Variants in SYNDIG1L observed in about 807,000 individuals in gnomAD.
SYNDIG1L encodes the protein synapse differentiation-inducing gene protein 1-like.
SYNDIG1L carries 13 observed loss-of-function variants against 20.1 expected under a neutral mutation model. The observed-to-expected ratio is 0.65, with a 90% CI of 0.42 to 1.03. The LOEUF is 1.03. Among genes scored for constraint, SYNDIG1L ranks in the 50% least tolerant of loss-of-function variants. The pLI is 0.00. For synonymous variants in SYNDIG1L, 128 were observed against 129.3 expected (o/e 0.99, Z 0.07); for missense variants, 294 against 305.1 (o/e 0.96, Z 0.27).
the SYNDIG1L span, among the ~76,000 whole-genome samples, chr14:74,467,959 G>C: frequency 5.9e-5 from 9 of 152,046 alleles, no homozygotes; most frequent in Non-Finnish European, 1.2e-4. Context: ...GGTCCGGGGG[G>C]ATCTAGTGGC....
intron 1 of SYNDIG1L, among the ~76,000 whole-genome samples, chr14:74,418,558 A>G (rs1566584282): frequency 6.6e-6 from 1 of 152,310 alleles, no homozygotes; most frequent in East Asian, 1.9e-4. Flanking sequence ...TAGGGGGTCT[A>G]TGCCCTTTCT....
rs184676402 is a variant in SYNDIG1L at position 74,417,675 on chromosome 14, C to T, written c.-57-7874G>A. 1.4e-4 allele frequency among the ~76,000 whole-genome samples: 22 copies of T among 152,284 alleles called. No individual in the cohort carries two copies. The East Asian group carries it at 3.3e-3, about 23-fold the overall frequency. ...GGATTTGACCCAGGTTTGATTTAGT[C>T]TAAAGCCTGGGCTCTGACTTCCCAC... On this transcript the variant is annotated intron_variant, in intron 1 of 3. Transcript: ENST00000331628.
At chr14:74,434,451 C>G in the SYNDIG1L span, among the ~76,000 whole-genome samples, 1 of 151,904 alleles carries the variant, frequency 6.6e-6, no homozygotes, top group Non-Finnish European at 1.5e-5. Flanking sequence ...CCTAGTGATC[C>G]TCACAGAAAA....
the SYNDIG1L span, among the ~76,000 whole-genome samples, chr14:74,471,596 T>TCACACACACA: frequency 1.3e-5 from 2 of 149,712 alleles, no homozygotes; most frequent in African/African-American, 4.9e-5. Flanking sequence ...AGACCCTATC[T>TCACACACACA]CACACACACA....
intron 2 of SYNDIG1L, 114 bp from the exon 3 acceptor site, chr14:74,408,103 A>G (rs1460639830): frequency 7.6e-7 from 1 of 1,309,454 alleles, no homozygotes; most frequent in East Asian, 2.6e-5. Flanking sequence ...AGCAACAAGC[A>G]GTCTCTTCTG....
the SYNDIG1L span, among the ~76,000 whole-genome samples, chr14:74,470,669 G>A: frequency 6.6e-6 from 1 of 152,200 alleles, no homozygotes; most frequent in Non-Finnish European, 1.5e-5. Flanking sequence ...TGAGAACACT[G>A]TCTCCTCCAT....
At chr14:74,471,526 A>T in the SYNDIG1L span, among the ~76,000 whole-genome samples, 9 of 152,032 alleles carry the variant, frequency 5.9e-5, no homozygotes, top group African/African-American at 2.2e-4. Flanking sequence ...TGAGCTTGGG[A>T]GGTTGAGGCT....
chr14:74,468,200 C>T, the SYNDIG1L span, among the ~76,000 whole-genome samples: 1,252 of 152,238 alleles, frequency 8.2e-3, 7 homozygotes, highest in Middle Eastern at 0.021. Context: ...GGAGACTCTG[C>T]CTCCATCACA....
At chr14:74,432,498 G>T in the SYNDIG1L span, among the ~76,000 whole-genome samples, 3 of 152,180 alleles carry the variant, frequency 2.0e-5, no homozygotes, top group South Asian at 6.2e-4. Flanking sequence ...AACAGCTAGA[G>T]TAGTGAAGGC....
At chr14:74,431,917 C>T in the SYNDIG1L span, among the ~76,000 whole-genome samples, 3 of 152,152 alleles carry the variant, frequency 2.0e-5, no homozygotes, top group East Asian at 1.9e-4. Flanking sequence ...TTCTCATGTT[C>T]CTTTTGAAGA....
chr14:74,457,254 T>C, the SYNDIG1L span, among the ~76,000 whole-genome samples: 2 of 152,048 alleles, frequency 1.3e-5, no homozygotes, highest in South Asian at 4.1e-4. Context: ...TCCCTCACAC[T>C]GGTCCTTGCT....
the SYNDIG1L span, among the ~76,000 whole-genome samples, chr14:74,440,236 C>G: frequency 1.3e-5 from 2 of 151,014 alleles, no homozygotes; most frequent in Admixed American, 1.3e-4. Flanking sequence ...AAAATTAAGG[C>G]CGGGCGCGGT....
chr14:74,429,667 G>A (rs865902575), upstream of SYNDIG1L, among the ~76,000 whole-genome samples: 65 of 152,252 alleles, frequency 4.3e-4, no homozygotes, highest in African/African-American at 1.5e-3. Flanking sequence ...AGGAGGGATT[G>A]TCTGGCAGAG....
chr14:74,451,675 A>T, the SYNDIG1L span, among the ~76,000 whole-genome samples: 6 of 152,200 alleles, frequency 3.9e-5, no homozygotes, highest in Non-Finnish European at 4.4e-5. Flanking sequence ...ATATCTGATA[A>T]AGTACTTCTA....
the SYNDIG1L span, among the ~76,000 whole-genome samples, chr14:74,447,455 C>T: frequency 1.9e-4 from 29 of 152,114 alleles, no homozygotes; most frequent in South Asian, 4.2e-4. Context: ...AGAGTGGTGG[C>T]GCACGCCTGT....
rs2086090578 is a variant in SYNDIG1L, at chr14:74,407,278, G to A, written c.*257C>T. On this transcript the variant is annotated 3_prime_UTR_variant, in exon 4 of 4. Coordinates refer to ENST00000331628, the MANE Select transcript of SYNDIG1L (RefSeq NM_001105579.2). The stretch of plus-strand genomic sequence containing the variant: ...TAGGCCCTGCTGGGATGGCCTGGTG[G>A]GCAGCCCTGCCTTCTGTTTCCCGTC... 7 of 563,280 alleles carry A rather than the reference G, an allele frequency of 1.2e-5. No individual in the cohort carries two copies. In the South Asian group the frequency reaches 1.4e-4, roughly 11 times the overall value. 34.9% of individuals were successfully genotyped at this position (563,280 alleles called of 1,614,324 possible). A position where few individuals can be genotyped will look rare whatever the true frequency, so the allele number is the denominator to read the frequency against.
At chr14:74,458,669 A>G in the SYNDIG1L span, among the ~76,000 whole-genome samples, 1 of 151,998 alleles carries the variant, frequency 6.6e-6, no homozygotes, top group South Asian at 2.1e-4. Flanking sequence ...TATTACAGAC[A>G]AGTCCAGAGA....
the SYNDIG1L span, among the ~76,000 whole-genome samples, chr14:74,441,429 T>C: frequency 6.6e-6 from 1 of 152,234 alleles, no homozygotes; most frequent in Non-Finnish European, 1.5e-5. Flanking sequence ...CTAGGAGTTC[T>C]AACCCTAAAT....
At chr14:74,479,669 T>A in the SYNDIG1L span, 1 of 165,212 alleles carries the variant, frequency 6.1e-6, no homozygotes, top group Non-Finnish European at 1.3e-5. Context: ...TTCAGTTCCT[T>A]CAACCTTTCA....
Sources: allele counts gnomAD v4.1 joint callset (sites outside exome capture counted in the v4.1 genomes callset), GRCh38; gene constraint gnomAD v4.1.1; transcripts MANE v1.5; gene names NCBI Gene and HGNC (gene_info 2026-07-23, HGNC 2026-07-21).